The following GTSE1 variants were observed in gnomAD, a reference collection of about 807,000 sequenced individuals.
GTSE1 encodes the protein G2 and S phase-expressed protein 1.
In GTSE1, 52 loss-of-function variants were observed where a neutral mutation model predicts 60.5. The observed-to-expected ratio is 0.86, with a 90% CI of 0.69 to 1.08. The LOEUF is 1.08. Among genes scored for constraint, GTSE1 ranks in the 50% least tolerant of loss-of-function variants. The probability of loss-of-function intolerance (pLI) is 0.00; values close to 1 mark genes in which losing one functional copy is unlikely to be tolerated. For missense variants in GTSE1, 937 were observed against 961.8 expected, an observed-to-expected ratio of 0.97 and a Z score of 0.34; for synonymous variants, 368 against 386.5, an observed-to-expected ratio of 0.95 and a Z score of 0.56.
chr22:46,303,977 A>T (rs967289012), intron 2 of GTSE1, among the ~76,000 whole-genome samples: 4 of 152,124 alleles, frequency 2.6e-5, no homozygotes, highest in South Asian at 2.1e-4. Flanking sequence ...CTCTGCAGAC[A>T]TATAGTTTGA....
rs1036025110 is a variant in GTSE1 at position 46,318,873 on chromosome 22, C to T, written c.1432+2461C>T. ...GTGCTGCCGTGATGAGCTTCTCATC[C>T]TCATGGTCTAGTGTGGCTGCACCGG... is the stretch of plus-strand genomic sequence containing the variant. On this transcript the variant is annotated intron_variant, in intron 7 of 11. Coordinates refer to ENST00000454366, the MANE Select transcript of GTSE1 (RefSeq NM_016426.7). The surrounding 1 kb of genome is among the most constrained non-coding windows in gnomAD (Gnocchi z 4.8). Among the ~76,000 whole-genome samples, 1 of 152,134 alleles carries T rather than the reference C, an allele frequency of 6.6e-6. No individual in the cohort carries two copies. Among genetic ancestry groups the T allele is most frequent in the Non-Finnish European group, 1.5e-5 (1 of 68,022 alleles).
In GTSE1 at chr22:46,308,488, A is replaced by C; in HGVS notation, c.307A>C (p.Lys103Gln). The C allele has an allele frequency of 1.9e-6, 3 of 1,614,224 alleles. No homozygotes were observed. Among genetic ancestry groups the C allele is most frequent in the Non-Finnish European group, 2.5e-6 (3 of 1,180,040 alleles). Residue 103 changes from lysine to glutamine, a missense_variant, in exon 4 of 12, where the codon AAA becomes CAA. By Grantham distance (53) the Lys-to-Gln change is moderately conservative. Transcript: ENST00000454366. ...CGGGGAGAAGTTCGTGGAGGTGTAC[A>C]AAGAAGCTCACTTACTGGCTTTACA... is the stretch of plus-strand genomic sequence containing the variant. Reference protein sequence around the residue: ...LAGEKFVEVYKEAHLLALHIE... With the variant: ...LAGEKFVEVYQEAHLLALHIE...
rs2077812050 is a variant in GTSE1, at chr22:46,321,447, A to G, written c.1433-1743A>G. Among the ~76,000 whole-genome samples the G allele has an allele frequency of 6.6e-6, 1 of 152,156 alleles. No homozygotes were observed. Among genetic ancestry groups the G allele is most frequent in the Non-Finnish European group, 1.5e-5 (1 of 68,030 alleles). ...ACAAACAAACTGAAAACGGAGGTGG[A>G]GAGAGGGTGGGAGCATGTTTGACTC... On this transcript the variant is annotated intron_variant, in intron 7 of 11. Coordinates refer to ENST00000454366, the MANE Select transcript of GTSE1 (RefSeq NM_016426.7). This position sits in a 1 kb window ranked among gnomAD's most constrained non-coding sequence, Gnocchi z 4.0.
At position 46,308,198 on chromosome 22, in the gene GTSE1, C is replaced by G. The variant is rs751187933; in HGVS notation, c.128C>G (p.Ser43Cys). ...DEKFDFDLSL[S>C]SSSANEDDEV... The stretch of plus-strand genomic sequence containing the variant: ...AAATTTGACTTCGATCTTTCATTGT[C>G]TTCTTCGAGGTAAACAAATGAGTTT... Residue 43 changes from serine to cysteine, a missense_variant, in exon 3 of 12, where the codon TCT becomes TGT. Coordinates refer to ENST00000454366, the MANE Select transcript of GTSE1 (RefSeq NM_016426.7). 8.1e-6 allele frequency: 13 copies of G among 1,613,000 alleles called. No homozygotes were observed. In the Admixed American group the frequency reaches 2.2e-4, roughly 27 times the overall value.
intron 5 of GTSE1, among the ~76,000 whole-genome samples, chr22:46,312,916 A>G (rs1018853693): frequency 3.3e-5 from 5 of 151,574 alleles, no homozygotes; most frequent in Admixed American, 3.3e-4. Context: ...TAATCTCAGC[A>G]CTTTGGGAGG....
At chr22:46,301,953 A>G (rs190308949) in intron 2 of GTSE1, among the ~76,000 whole-genome samples, 2 of 150,920 alleles carry the variant, frequency 1.3e-5, no homozygotes, top group Admixed American at 6.6e-5. Flanking sequence ...ACATGCAGAA[A>G]CCCCGTCTCT....
rs982050829 is a variant in GTSE1 at position 46,317,489 on chromosome 22, T to C, written c.1432+1077T>C. ...TCTTCTCATACCATCTTCCCCATCATTTTGGGGTCTGTTTCGACTGACTAA... is the reference window on the plus strand; with the variant it reads ...TCTTCTCATACCATCTTCCCCATCACTTTGGGGTCTGTTTCGACTGACTAA... On this transcript the variant is annotated intron_variant, in intron 7 of 11. Transcript: ENST00000454366. The surrounding 1 kb of genome is among the most constrained non-coding windows in gnomAD (Gnocchi z 5.6). Among the ~76,000 whole-genome samples, 1 of 152,206 alleles carries C rather than the reference T, an allele frequency of 6.6e-6. No homozygotes were observed. The highest frequency in any genetic ancestry group is 1.5e-5 in the Non-Finnish European group (1 of 68,032).
At chr22:46,300,334 G>A (rs1327842683) in intron 2 of GTSE1, among the ~76,000 whole-genome samples, 1 of 152,074 alleles carries the variant, frequency 6.6e-6, no homozygotes, top group Non-Finnish European at 1.5e-5. Context: ...GACCTCAAGT[G>A]ATCCGCCTGC....
At position 46,297,307 on chromosome 22, in the gene GTSE1, G is replaced by GC. The variant is rs1447842989; in HGVS notation, c.-21-71dup. On this transcript the variant is annotated intron_variant, in intron 1 of 11. Transcript: ENST00000454366. This position sits in a 1 kb window ranked among gnomAD's most constrained non-coding sequence, Gnocchi z 4.9. ...CCTTCAGCTCTCTCTGCCTCTGTGA[G>GC]CCGAGGGCTGAAGGAAGCCGGAGCC... The GC allele has an allele frequency of 2.2e-6, 2 of 902,908 alleles. No homozygotes were observed. Among genetic ancestry groups the GC allele is most frequent in the Non-Finnish European group, 3.7e-6 (2 of 543,114 alleles). 55.9% of individuals were successfully genotyped at this position (902,908 alleles called of 1,614,324 possible). A position where few individuals can be genotyped will look rare whatever the true frequency, so the allele number is the denominator to read the frequency against.
intron 2 of GTSE1, among the ~76,000 whole-genome samples, chr22:46,302,609 A>G (rs1490962544): frequency 1.3e-5 from 2 of 151,772 alleles, no homozygotes; most frequent in African/African-American, 2.4e-5. Context: ...CGTTCCTCCC[A>G]CCTCAGCCTC....
chr22:46,315,527 G>A (rs1299117925), intron 6 of GTSE1, among the ~76,000 whole-genome samples: 4 of 152,184 alleles, frequency 2.6e-5, no homozygotes, highest in Non-Finnish European at 4.4e-5. Context: ...TTACCAGATC[G>A]TCTGCGTATA....
At chr22:46,305,833 G>A (rs1193920597) in intron 2 of GTSE1, among the ~76,000 whole-genome samples, 1 of 151,528 alleles carries the variant, frequency 6.6e-6, no homozygotes, top group Non-Finnish European at 1.5e-5. Flanking sequence ...CTTGAACCTG[G>A]GAGGCGGAGG....
At chr22:46,305,450 A>G (rs1309475903) in intron 2 of GTSE1, among the ~76,000 whole-genome samples, 1 of 152,064 alleles carries the variant, frequency 6.6e-6, no homozygotes, top group African/African-American at 2.4e-5. Context: ...TCTACTAGAA[A>G]TACAAAAAAT....
At chr22:46,328,574 C>A in intron 9 of GTSE1, 114 bp from the exon 10 acceptor site, 2 of 745,244 alleles carry the variant, frequency 2.7e-6, no homozygotes, top group Admixed American at 2.2e-5. Flanking sequence ...GGCCCTAGAG[C>A]CGGGACGCAC....
Position 46,309,020 on chromosome 22 carries a change from G to C in GTSE1, c.762+77G>C. 6.7e-7 allele frequency: 1 copy of C among 1,485,668 alleles called. No individual in the cohort carries two copies. Among genetic ancestry groups the C allele is most frequent in the Non-Finnish European group, 9.1e-7 (1 of 1,103,756 alleles). The allele number at this position is 1,485,668 out of a possible 1,614,324, so 92.0% of individuals were successfully genotyped here. ...CAGCCCTCTCACAGAAGCCACATGC[G>C]GAAAGCCTCAGAGGTGGCGAGTCTC... is the stretch of plus-strand genomic sequence containing the variant. On this transcript the variant is annotated intron_variant, in intron 4 of 11. Transcript: ENST00000454366. The surrounding 1 kb of genome is among the most constrained non-coding windows in gnomAD (Gnocchi z 6.2).
At chr22:46,299,906 C>T (rs1415923850) in intron 2 of GTSE1, among the ~76,000 whole-genome samples, 2 of 150,870 alleles carry the variant, frequency 1.3e-5, no homozygotes, top group Non-Finnish European at 2.9e-5. Flanking sequence ...AATTCTCCTG[C>T]CTCAGCCTCC....
At position 46,312,226 on chromosome 22, in the gene GTSE1, C is replaced by T. The variant is rs2077752484; in HGVS notation, c.848C>T (p.Pro283Leu). ...CACCGGGATGTTCTCCCTGACAAAC[C>T]TGCCCCGGGTGCTGTCAATGTGCCG... Reference protein sequence around the residue: ...ESHRDVLPDKPAPGAVNVPAA... With the variant: ...ESHRDVLPDKLAPGAVNVPAA... The change falls in exon 5 of 12, where the codon CCT becomes CTT. Residue 283 changes from proline (P) to leucine (L), a missense_variant. Pro to Leu is a moderately conservative substitution (Grantham distance 98). Transcript: ENST00000454366. 1 of 1,614,042 alleles carries T rather than the reference C, an allele frequency of 6.2e-7. No homozygotes were observed. Among genetic ancestry groups the T allele is most frequent in the Admixed American group, 1.7e-5 (1 of 59,994 alleles).
intron 2 of GTSE1, among the ~76,000 whole-genome samples, chr22:46,302,016 T>G (rs940483167): frequency 6.6e-6 from 1 of 152,078 alleles, no homozygotes; most frequent in African/African-American, 2.4e-5. Flanking sequence ...TCCCAGCTAC[T>G]TGGGAGGCTA....
intron 2 of GTSE1, among the ~76,000 whole-genome samples, chr22:46,303,747 C>T (rs954384161): frequency 1.4e-4 from 22 of 152,182 alleles, no homozygotes; most frequent in Admixed American, 1.1e-3. Flanking sequence ...GAATTGTACT[C>T]CCTGTTCACT....
Sources: allele counts gnomAD v4.1 joint callset (sites outside exome capture counted in the v4.1 genomes callset), GRCh38; gene constraint gnomAD v4.1.1; non-coding constraint Gnocchi (gnomAD v3.1); transcripts MANE v1.5; gene names NCBI Gene and HGNC (gene_info 2026-07-23, HGNC 2026-07-21).